Variants in CEP70 observed in about 807,000 individuals in gnomAD.
The protein encoded by CEP70 is centrosomal protein 70.
A neutral mutation model predicts 90.9 loss-of-function variants in CEP70; 70 were observed. The ratio of observed to expected loss-of-function variants is 0.77; its 90% CI spans 0.64 to 0.94. The LOEUF (loss-of-function observed/expected upper bound fraction) is 0.94. CEP70 is among the 40% of genes least tolerant of loss of function. The pLI is 0.00. For missense variants in CEP70, 648 were observed against 669.0 expected, an observed-to-expected ratio of 0.97 and a Z score of 0.35; for synonymous variants, 220 against 228.3, an observed-to-expected ratio of 0.96 and a Z score of 0.33.
chr3:138,495,861 A>G (rs2033922167), intron 17 of CEP70: 1 of 984,676 alleles, frequency 1.0e-6, no homozygotes, highest in East Asian at 1.1e-4. Flanking sequence ...CTCAAAAAAA[A>G]CAATTATCTG....
intron 2 of CEP70, 188 bp from the exon 3 acceptor site, chr3:138,573,120 T>A (rs2041292558): frequency 1.7e-6 from 1 of 582,662 alleles, no homozygotes; most frequent in South Asian, 2.1e-5. Flanking sequence ...ATTGTAAGAC[T>A]CATTTGAATA....
chr3:138,541,669 TATA>T (rs1213395127), intron 6 of CEP70, among the ~76,000 whole-genome samples: 1 of 152,200 alleles, frequency 6.6e-6, no homozygotes, highest in Middle Eastern at 3.2e-3. Context: ...ACTCTAATAA[TATA>T]ATTGTGGTGT....
intron 2 of CEP70, among the ~76,000 whole-genome samples, chr3:138,573,762 G>A (rs1315505807): frequency 6.6e-6 from 1 of 152,176 alleles, no homozygotes; most frequent in Non-Finnish European, 1.5e-5. Flanking sequence ...TGAGAGTAGG[G>A]TAAATGGAGT....
At chr3:138,525,427 A>T (rs2037124761) in intron 11 of CEP70, 63 bp downstream of exon 11, 1 of 591,850 alleles carries the variant, frequency 1.7e-6, no homozygotes, top group Non-Finnish European at 2.6e-6. Flanking sequence ...AATAAAAATA[A>T]AAATAAATAA....
intron 2 of CEP70, among the ~76,000 whole-genome samples, chr3:138,583,229 T>C (rs143852185): frequency 1.4e-3 from 214 of 152,312 alleles, no homozygotes; most frequent in African/African-American, 5.0e-3. Context: ...GGTCATTATA[T>C]AATGATAAAC....
At chr3:138,537,810 A>G (rs181017500) in intron 6 of CEP70, among the ~76,000 whole-genome samples, 1 of 152,298 alleles carries the variant, frequency 6.6e-6, no homozygotes, top group African/African-American at 2.4e-5. Context: ...AGGGAGAAAG[A>G]CATCACCAAA....
At chr3:138,508,304 A>C in intron 12 of CEP70, 135 bp downstream of exon 12, 1 of 653,064 alleles carries the variant, frequency 1.5e-6, no homozygotes. Flanking sequence ...TGTCACGGAA[A>C]GACAAGACAG....
chr3:138,519,521 C>CA (rs1238247639), intron 11 of CEP70, among the ~76,000 whole-genome samples: 3 of 152,116 alleles, frequency 2.0e-5, no homozygotes, highest in Non-Finnish European at 4.4e-5. Flanking sequence ...GAGTGGGGGG[C>CA]AATATTCAAC....
At chr3:138,504,876 C>T (rs932801394) in intron 13 of CEP70, among the ~76,000 whole-genome samples, 5 of 151,946 alleles carry the variant, frequency 3.3e-5, no homozygotes, top group African/African-American at 1.2e-4. Flanking sequence ...AAAATATCCC[C>T]AATTATAATA....
At chr3:138,583,442 A>G (rs1414200859) in intron 2 of CEP70, among the ~76,000 whole-genome samples, 1 of 152,216 alleles carries the variant, frequency 6.6e-6, no homozygotes, top group Non-Finnish European at 1.5e-5. Flanking sequence ...AATCTGCACT[A>G]TAGAACAAAT....
At chr3:138,525,763 T>C (rs182607302) in intron 10 of CEP70, among the ~76,000 whole-genome samples, 199 bp from the exon 11 acceptor site, 80 of 152,318 alleles carry the variant, frequency 5.3e-4, no homozygotes, top group Non-Finnish European at 9.9e-4. Context: ...ATTCAAAGCC[T>C]TTTAGTCGTT....
intron 2 of CEP70, among the ~76,000 whole-genome samples, chr3:138,574,068 T>C (rs2041354159): frequency 1.3e-5 from 2 of 152,204 alleles, no homozygotes; most frequent in Admixed American, 1.3e-4. Context: ...CTGAGGTACC[T>C]GGTTCATCTC....
At chr3:138,545,133 T>A (rs1287644164) in intron 6 of CEP70, among the ~76,000 whole-genome samples, 1 of 152,234 alleles carries the variant, frequency 6.6e-6, no homozygotes, top group Non-Finnish European at 1.5e-5. Flanking sequence ...ATTTGATAAT[T>A]ACACATTATA....
At chr3:138,497,587 T>G (rs999391215) in intron 17 of CEP70, 28 of 954,456 alleles carry the variant, frequency 2.9e-5, no homozygotes, top group Middle Eastern at 5.3e-4. Flanking sequence ...TCTTTTCCTT[T>G]CCACAGATAT....
chr3:138,557,751 A>G lies in CEP70; in HGVS notation c.465+12567T>C, dbSNP rs1262759735. On this transcript the variant is annotated intron_variant, in intron 6 of 17. Coordinates refer to ENST00000264982, the MANE Select transcript of CEP70 (RefSeq NM_024491.4). ...ACCAAATCTCACAAATCACCACTAA[A>G]GTAATTATAAATGTAACCAAATACC... Among the ~76,000 whole-genome samples, 8 of 152,302 alleles carry G rather than the reference A, an allele frequency of 5.3e-5. No homozygotes were observed. In the East Asian group the frequency reaches 1.5e-3, roughly 29 times the overall value.
intron 11 of CEP70, among the ~76,000 whole-genome samples, chr3:138,515,467 C>CAAAAAAAAAAAAAAAAAAA (rs145902706): frequency 1.5e-5 from 1 of 65,390 alleles, no homozygotes; most frequent in African/African-American, 6.1e-5. Flanking sequence ...CATAGAAATG[C>CAAAAAAAAAAAAAAAAAAA]AAAAAAAAAA....
Position 138,529,294 on chromosome 3 carries a change from C to A in CEP70, c.781-7G>T. 6.3e-7 allele frequency: 1 copy of A among 1,586,866 alleles called. No homozygotes were observed. The highest frequency in any genetic ancestry group is 8.6e-7 in the Non-Finnish European group (1 of 1,163,984). On this transcript the variant is annotated splice_region_variant and splice_polypyrimidine_tract_variant and intron_variant, in intron 9 of 17. Coordinates refer to ENST00000264982, the MANE Select transcript of CEP70 (RefSeq NM_024491.4). ...TGAGTTGATTCTGTAATGACTGCAA[C>A]ACATTTCATAGAAAAATAATTAACT...
intron 6 of CEP70, among the ~76,000 whole-genome samples, chr3:138,569,981 G>A (rs137989024): frequency 6.4e-4 from 98 of 152,260 alleles, no homozygotes; most frequent in African/African-American, 2.1e-3. Flanking sequence ...ACTGGGCTAC[G>A]GATATAAATT....
At chr3:138,548,669 T>C (rs1402254632) in intron 6 of CEP70, among the ~76,000 whole-genome samples, 1 of 152,002 alleles carries the variant, frequency 6.6e-6, no homozygotes, top group East Asian at 1.9e-4. Context: ...AAACAAGACA[T>C]GGAAATTCTA....
Sources: gnomAD v4.1 joint callset for allele counts (sites outside exome capture counted in the v4.1 genomes callset) on GRCh38, gnomAD v4.1.1 for gene constraint, MANE v1.5 for transcripts, NCBI Gene and HGNC (gene_info 2026-07-23, HGNC 2026-07-21) for gene names.